The following ZGRF1 variants were observed in gnomAD, a reference collection of about 807,000 sequenced individuals.
The protein encoded by ZGRF1 is zinc finger GRF-type containing 1, also known as 5'-3' DNA helicase ZGRF1.
In ZGRF1, 196 loss-of-function variants were observed where a neutral mutation model predicts 203.5. That is an observed-to-expected ratio of 0.96 (90% CI 0.86 to 1.08). ZGRF1 has a LOEUF of 1.08. Ranked by LOEUF, ZGRF1 falls within the 50% of genes least tolerant of loss-of-function variation. The probability of loss-of-function intolerance (pLI) is 0.00; values close to 1 mark genes in which losing one functional copy is unlikely to be tolerated. For missense variants in ZGRF1, 2,326 were observed against 2,416.3 expected, an observed-to-expected ratio of 0.96 and a Z score of 0.78; for synonymous variants, 809 against 841.3, an observed-to-expected ratio of 0.96 and a Z score of 0.66.
In ZGRF1 at chr4:112,593,557, G is replaced by A. The variant is rs116528058; in HGVS notation, c.2977-3683C>T. 8.0e-3 allele frequency among the ~76,000 whole-genome samples: 1,213 copies of A among 152,308 alleles called. 5 individuals carry two copies. The highest frequency in any genetic ancestry group is 0.014 in the Non-Finnish European group (960 of 68,026). On this transcript the variant is annotated intron_variant, in intron 10 of 27. Transcript: ENST00000505019. ...TCTGAACCTGGCCTGAAGACTCTAT[G>A]TCTATGTCTGGCCCAGCTGACCTGT...
intron 16 of ZGRF1, among the ~76,000 whole-genome samples, chr4:112,564,381 G>A (rs1742604359): frequency 6.6e-6 from 1 of 152,092 alleles, no homozygotes. Context: ...AGACTAAACT[G>A]GGCAGCGACT....
chr4:112,632,516 CA>C (rs1244851846), intron 2 of ZGRF1, among the ~76,000 whole-genome samples: 1 of 152,138 alleles, frequency 6.6e-6, no homozygotes, highest in Admixed American at 6.5e-5. Context: ...CTCACTCCTT[CA>C]GGGGTGCAGA....
At chr4:112,548,636 C>A (rs1452307219) in intron 22 of ZGRF1, among the ~76,000 whole-genome samples, 1 of 150,334 alleles carries the variant, frequency 6.7e-6, no homozygotes, top group Non-Finnish European at 1.5e-5. Context: ...GATATTCAGA[C>A]GGAAAGTATC....
intron 4 of ZGRF1, among the ~76,000 whole-genome samples, chr4:112,620,695 C>CA (rs2047034198): frequency 1.3e-5 from 2 of 152,062 alleles, no homozygotes; most frequent in East Asian, 1.9e-4. Flanking sequence ...CCTGTCTCTA[C>CA]AAAAAACTTT....
In ZGRF1 at chr4:112,589,870, G is replaced by A. The variant is rs746620564; in HGVS notation, c.2981C>T (p.Thr994Ile). The change falls in exon 11 of 28, where the codon ACA (threonine) becomes ATA (isoleucine). Residue 994 changes from threonine to isoleucine, a missense_variant. Transcript: ENST00000505019. ...TCMQIDFLQV[T>I]SPEENISTLS... ...TGTAGAGATGTTTTCTTCTGGTGAT[G>A]TCACCTATACAGAAAGAAGAATCAA... 36 of 1,596,034 alleles carry A rather than the reference G, an allele frequency of 2.3e-5. No homozygotes were observed. Among genetic ancestry groups the A allele is most frequent in the African/African-American group, 4.1e-5 (3 of 73,886 alleles).
At chr4:112,624,414 G>A (rs1275240790) in intron 3 of ZGRF1, among the ~76,000 whole-genome samples, 2 of 151,554 alleles carry the variant, frequency 1.3e-5, no homozygotes, top group South Asian at 2.1e-4. Flanking sequence ...CTGAGATCAC[G>A]CCACTGCATT....
intron 19 of ZGRF1, among the ~76,000 whole-genome samples, 185 bp from the exon 20 acceptor site, chr4:112,558,494 A>G (rs1409978612): frequency 6.6e-6 from 1 of 151,976 alleles, no homozygotes; most frequent in African/African-American, 2.4e-5. Flanking sequence ...CAGCCTCCCA[A>G]GTAGCTGGGA....
chr4:112,576,819 G>A (rs530205249), intron 16 of ZGRF1, among the ~76,000 whole-genome samples: 44 of 152,206 alleles, frequency 2.9e-4, no homozygotes, highest in African/African-American at 9.9e-4. Context: ...ACCTGAAAGT[G>A]ACAGGGAGAA....
At chr4:112,584,681 T>C (rs1746864820) in intron 14 of ZGRF1, among the ~76,000 whole-genome samples, 5 of 152,246 alleles carry the variant, frequency 3.3e-5, no homozygotes, top group Admixed American at 2.6e-4. Flanking sequence ...CAAAGATTTT[T>C]AGTGGCTATA....
intron 18 of ZGRF1, chr4:112,561,606 T>C (rs1407352940): frequency 6.6e-6 from 1 of 152,454 alleles, no homozygotes; most frequent in Non-Finnish European, 1.5e-5. Flanking sequence ...TTCCTATCAA[T>C]TTTAATGCAT....
chr4:112,592,516 T>C (rs1748351228), intron 10 of ZGRF1, among the ~76,000 whole-genome samples: 1 of 152,252 alleles, frequency 6.6e-6, no homozygotes, highest in Admixed American at 6.5e-5. Context: ...TCTGTCCTCA[T>C]TTTATTGGAT....
At chr4:112,567,683 T>C (rs1743380026) in intron 16 of ZGRF1, among the ~76,000 whole-genome samples, 1 of 152,068 alleles carries the variant, frequency 6.6e-6, no homozygotes, top group African/African-American at 2.4e-5. Flanking sequence ...CCCAACACTT[T>C]AGGAGGCTGA....
intron 25 of ZGRF1, 35 bp from the exon 26 acceptor site, chr4:112,540,990 C>A: frequency 2.6e-6 from 4 of 1,553,466 alleles, no homozygotes; most frequent in Non-Finnish European, 3.5e-6. Context: ...TTATATTTCC[C>A]AGAAAGGCTA....
intron 24 of ZGRF1, among the ~76,000 whole-genome samples, chr4:112,544,428 G>C (rs1738332367): frequency 6.6e-6 from 1 of 152,200 alleles, no homozygotes; most frequent in South Asian, 2.1e-4. Flanking sequence ...ATGCAGCATA[G>C]TGAGCCAGAA....
rs1267196116 is a variant in ZGRF1, at chr4:112,548,396, AAT to A, written c.5347-18_5347-17del. The A allele has an allele frequency of 1.3e-6, 2 of 1,533,934 alleles. No homozygotes were observed. Among genetic ancestry groups the A allele is most frequent in the Non-Finnish European group, 1.8e-6 (2 of 1,136,912 alleles). Reference sequence around the variant, plus strand: ...CTACTCGAACCTTTATTACAACAAAAATGTTATTAATTAACAATTATTAAAAG... The same window carrying A: ...CTACTCGAACCTTTATTACAACAAAAGTTATTAATTAACAATTATTAAAAG... On this transcript the variant is annotated splice_polypyrimidine_tract_variant and intron_variant, in intron 22 of 27. Transcript: ENST00000505019.
chr4:112,619,506 A>T lies in ZGRF1; in HGVS notation c.536T>A (p.Ile179Asn), dbSNP rs564341520. The stretch of plus-strand genomic sequence containing the variant: ...TCTCTCCCTGTTCTTGTAAGTCACA[A>T]TGTTCTCAGGGTCTGCCAGTATATT... ...VNNILADPEN[I>N]VTYKNRERNA... The change falls in exon 6 of 28, where the codon ATT (isoleucine) becomes AAT (asparagine). Residue 179 changes from isoleucine to asparagine, a missense_variant. By Grantham distance (149) the Ile-to-Asn change is moderately radical (BLOSUM62 -3). Coordinates refer to ENST00000505019, the MANE Select transcript of ZGRF1 (RefSeq NM_018392.5). The T allele has an allele frequency of 2.5e-5, 41 of 1,613,644 alleles. No individual in the cohort carries two copies. The highest frequency in any genetic ancestry group is 3.0e-5 in the Non-Finnish European group (35 of 1,179,850).
At position 112,578,964 on chromosome 4, in the gene ZGRF1, A is replaced by T. The variant is rs191658837; in HGVS notation, c.4438+2699T>A. ...GATACCAAAGCCTGGCAGAGACACA[A>T]CAAAAAAACAGAATTTTAGACCAAT... On this transcript the variant is annotated intron_variant, in intron 16 of 27. Transcript: ENST00000505019. Among the ~76,000 whole-genome samples, 505 of 123,138 alleles carry T rather than the reference A, an allele frequency of 4.1e-3. 142 individuals are homozygous for T. The highest frequency in any genetic ancestry group is 4.4e-3 in the Non-Finnish European group (243 of 55,038). 80.8% of individuals were successfully genotyped at this position (123,138 alleles called of 152,430 possible). A position where few individuals can be genotyped will look rare whatever the true frequency, so the allele number is the denominator to read the frequency against.
intron 22 of ZGRF1, among the ~76,000 whole-genome samples, chr4:112,550,375 A>G (rs1739714554): frequency 6.6e-6 from 1 of 151,026 alleles, no homozygotes; most frequent in South Asian, 2.1e-4. Context: ...AAGCTTATGA[A>G]ATATTTTTGT....
Position 112,587,877 on chromosome 4 carries a change from T to TTCACTACTTTTCGAGAC in ZGRF1, c.3179_3180insGTCTCGAAAAGTAGTGA (p.Leu1061SerfsTer7), listed in dbSNP as rs1335660345. The TTCACTACTTTTCGAGAC allele has an allele frequency of 6.5e-7, 1 of 1,549,748 alleles. No homozygotes were observed. The highest frequency in any genetic ancestry group is 2.0e-5 in the Admixed American group (1 of 50,592). ...TAAGTGGAACCTGGGTTCTACTTAA[T>TTCACTACTTTTCGAGAC]AATGAAAGCCTTTGAAGGTTCTCAT... On this transcript the variant is annotated frameshift_variant, in exon 12 of 28. Transcript: ENST00000505019. LOFTEE classifies it high-confidence loss of function.
Sources: gnomAD v4.1 joint callset for allele counts (sites outside exome capture counted in the v4.1 genomes callset) on GRCh38, gnomAD v4.1.1 for gene constraint, MANE v1.5 for transcripts, NCBI Gene and HGNC (gene_info 2026-07-23, HGNC 2026-07-21) for gene names.